LMBR1: variants seen among roughly 807,000 people sequenced by gnomAD.
The protein encoded by LMBR1 is limb development membrane protein 1.
LMBR1 carries 52 observed loss-of-function variants against 73.9 expected under a neutral mutation model. The observed-to-expected ratio is 0.70, with a 90% confidence interval of 0.56 to 0.89. The LOEUF is 0.89. LMBR1 is among the 40% of genes least tolerant of loss of function. The pLI, the probability that LMBR1 is intolerant of heterozygous loss-of-function variation, is 0.00. For synonymous variants in LMBR1, 215 were observed against 209.4 expected (o/e 1.03, Z -0.23); for missense variants, 539 against 579.8 (o/e 0.93, Z 0.72).
downstream of LMBR1, among the ~76,000 whole-genome samples, chr7:156,672,958 C>T (rs776660447): frequency 6.6e-6 from 1 of 152,226 alleles, no homozygotes; most frequent in Non-Finnish European, 1.5e-5. Context: ...TAAAGCATAT[C>T]GCAGGGCTCA....
Position 156,851,195 on chromosome 7 carries a change from G to A in LMBR1, c.67-14310C>T, listed in dbSNP as rs117826236. Among the ~76,000 whole-genome samples the A allele has an allele frequency of 3.1e-3, 468 of 152,154 alleles. 1 individual carries two copies. The highest frequency in any genetic ancestry group is 5.3e-3 in the Non-Finnish European group (363 of 68,008). ...GTCTCAGGTATTCCTTTACAGCAAC[G>A]CAAAATGAACTAACACACCCTTCAA... On this transcript the variant is annotated intron_variant, in intron 1 of 16. Coordinates refer to ENST00000353442, the MANE Select transcript of LMBR1 (RefSeq NM_022458.4).
intron 10 of LMBR1, among the ~76,000 whole-genome samples, chr7:156,730,719 C>T (rs577448055): frequency 9.9e-5 from 15 of 152,254 alleles, no homozygotes; most frequent in African/African-American, 3.6e-4. Context: ...AGGCCAATCA[C>T]GAGGTCAAGA....
At chr7:156,828,525 C>T (rs1023566108) in intron 3 of LMBR1, among the ~76,000 whole-genome samples, 1 of 152,080 alleles carries the variant, frequency 6.6e-6, no homozygotes, top group Admixed American at 6.6e-5. Context: ...GAAGACAGAA[C>T]CTTTGTCTAA....
chr7:156,772,460 C>A (rs1356048670), intron 5 of LMBR1, among the ~76,000 whole-genome samples: 1 of 152,156 alleles, frequency 6.6e-6, no homozygotes, highest in Non-Finnish European at 1.5e-5. Flanking sequence ...GAAGCATAGC[C>A]CCTTGAGAAC....
At chr7:156,745,289 C>T (rs1819640950) in intron 9 of LMBR1, among the ~76,000 whole-genome samples, 5 of 151,984 alleles carry the variant, frequency 3.3e-5, no homozygotes, top group Admixed American at 2.6e-4. Flanking sequence ...TTTGTCTCTC[C>T]CATTAATTGT....
intron 15 of LMBR1, among the ~76,000 whole-genome samples, chr7:156,704,315 C>CA (rs1353143757): frequency 1.3e-5 from 2 of 152,186 alleles, no homozygotes; most frequent in Non-Finnish European, 1.5e-5. Flanking sequence ...ATAACACCAA[C>CA]AAACCCACAG....
intron 7 of LMBR1, among the ~76,000 whole-genome samples, chr7:156,762,427 T>C (rs949993865): frequency 1.8e-4 from 27 of 152,120 alleles, no homozygotes; most frequent in African/African-American, 3.1e-4. Context: ...ATGAAAGATA[T>C]GTGACAACAA....
chr7:156,684,232 GGAGAA>G, intron 16 of LMBR1, 69 bp from the exon 17 acceptor site: 2 of 1,150,414 alleles, frequency 1.7e-6, no homozygotes, highest in Non-Finnish European at 2.6e-6. Context: ...GTTAGGGTAG[GGAGAA>G]GAGGAGATTT....
At chr7:156,774,977 A>C (rs113918141) in intron 5 of LMBR1, among the ~76,000 whole-genome samples, 6,156 of 152,272 alleles carry the variant, frequency 0.04, 402 homozygotes, top group African/African-American at 0.14. Context: ...GTATACATGG[A>C]CGAAAAGAAG....
chr7:156,742,032 G>A (rs1818995234), intron 9 of LMBR1, among the ~76,000 whole-genome samples: 2 of 152,014 alleles, frequency 1.3e-5, no homozygotes, highest in South Asian at 4.2e-4. Context: ...TAAACAAAAT[G>A]CTCCTGAATC....
intron 1 of LMBR1, among the ~76,000 whole-genome samples, chr7:156,846,537 A>G (rs556563236): frequency 6.6e-6 from 1 of 152,334 alleles, no homozygotes; most frequent in East Asian, 1.9e-4. Context: ...GAAAGAAATC[A>G]AAGAACTTAA....
intron 5 of LMBR1, among the ~76,000 whole-genome samples, chr7:156,780,247 A>T (rs1826891097): frequency 6.6e-6 from 1 of 152,222 alleles, no homozygotes; most frequent in Non-Finnish European, 1.5e-5. Flanking sequence ...AATTAAAACT[A>T]TAAGATGCTC....
chr7:156,847,635 A>G (rs1440159708), intron 1 of LMBR1, among the ~76,000 whole-genome samples: 2 of 152,064 alleles, frequency 1.3e-5, no homozygotes, highest in African/African-American at 4.8e-5. Context: ...CAAAGACCTC[A>G]TGAGTGAAGA....
intron 5 of LMBR1, among the ~76,000 whole-genome samples, chr7:156,793,643 T>C (rs1829612337): frequency 6.6e-6 from 1 of 152,224 alleles, no homozygotes; most frequent in Admixed American, 6.5e-5. Context: ...TCATATTTTA[T>C]AGAATATTTA....
At chr7:156,697,051 G>GAAAT (rs35601794) in intron 15 of LMBR1, among the ~76,000 whole-genome samples, 26,172 of 151,992 alleles carry the variant, frequency 0.17, 2,773 homozygotes, top group African/African-American at 0.31. Flanking sequence ...GGCCAGCTGA[G>GAAAT]AGAGAGAGAC....
intron 1 of LMBR1, among the ~76,000 whole-genome samples, chr7:156,851,813 T>C (rs1432675369): frequency 5.3e-5 from 8 of 152,204 alleles, no homozygotes; most frequent in Non-Finnish European, 2.9e-5. Context: ...CCTTCTTCCT[T>C]AGATCTATGA....
At chr7:156,808,562 C>T (rs1832550541) in intron 4 of LMBR1, among the ~76,000 whole-genome samples, 1 of 152,162 alleles carries the variant, frequency 6.6e-6, no homozygotes, top group African/African-American at 2.4e-5. Context: ...GTGTTTAGAA[C>T]ATTACATTTA....
chr7:156,694,838 T>C (rs1025037106), intron 15 of LMBR1, among the ~76,000 whole-genome samples: 24 of 152,186 alleles, frequency 1.6e-4, no homozygotes, highest in African/African-American at 5.8e-4. Flanking sequence ...AAAAAGAATG[T>C]CATAATAAAC....
rs199646601 is a variant in LMBR1 at position 156,728,050 on chromosome 7, C to T, written c.916-43G>A. On this transcript the variant is annotated intron_variant, in intron 11 of 16. Transcript: ENST00000353442. ...AACTGTCAGCTCTCAAGATTTTTCA[C>T]CAATACAAAATATTAAAATCTAGGT... 94 of 1,474,548 alleles carry T rather than the reference C, an allele frequency of 6.4e-5. 1 individual carries two copies. The African/African-American group carries it at 1.1e-3, about 17-fold the overall frequency. 91.3% of individuals were successfully genotyped at this position (1,474,548 alleles called of 1,614,324 possible). A position where few individuals can be genotyped will look rare whatever the true frequency, so the allele number is the denominator to read the frequency against.
Sources: allele counts gnomAD v4.1 joint callset (sites outside exome capture counted in the v4.1 genomes callset), GRCh38; gene constraint gnomAD v4.1.1; transcripts MANE v1.5; gene names NCBI Gene and HGNC (gene_info 2026-07-23, HGNC 2026-07-21).